DCST1: variants seen among roughly 807,000 people sequenced by gnomAD.
The protein encoded by DCST1 is E3 ubiquitin-protein ligase DCST1.
A neutral mutation model predicts 89.1 loss-of-function variants in DCST1; 78 were observed. The ratio of observed to expected loss-of-function variants is 0.88; its 90% CI spans 0.73 to 1.06. The LOEUF (loss-of-function observed/expected upper bound fraction) is 1.06. DCST1 is among the 50% of genes least tolerant of loss of function. The pLI, the probability that DCST1 is intolerant of heterozygous loss-of-function variation, is 0.00. For missense variants in DCST1, 900 were observed against 928.6 expected (o/e 0.97, Z 0.40); for synonymous variants, 364 against 371.9 (o/e 0.98, Z 0.24).
Position 155,050,697 on chromosome 1 carries a change from G to A in DCST1, c.1950G>A (p.Gln650=). 1 of 1,606,170 alleles carries A rather than the reference G, an allele frequency of 6.2e-7. No individual in the cohort carries two copies. Among genetic ancestry groups the A allele is most frequent in the Non-Finnish European group, 8.5e-7 (1 of 1,177,454 alleles). ...RWLCRRCVVC[Q]APETPESYVC... ...TGTGCCGGCGCTGCGTGGTGTGCCA[G>A]GCACCCGAGACGCCCGAGTCCTACG... Residue 650 remains glutamine (Q), a synonymous_variant, in exon 17 of 17, where the codon CAG becomes CAA. Coordinates refer to ENST00000295542, the MANE Select transcript of DCST1 (RefSeq NM_152494.4).
rs71077975 is a variant in DCST1 at position 155,046,600 on chromosome 1, CTTTTTT to C, written c.1495+127_1495+132del. 1.2e-4 allele frequency: 65 copies of C among 534,512 alleles called. No homozygotes were observed. In the Middle Eastern group the frequency reaches 2.2e-3, roughly 18 times the overall value. 33.1% of individuals were successfully genotyped at this position (534,512 alleles called of 1,614,324 possible). On this transcript the variant is annotated intron_variant, in intron 13 of 16. Transcript: ENST00000295542. ...CCAACTGTGCCTCGTCCTTCTGCCT[CTTTTTT>C]TTTTTTTTTTTTGAGACAAAGAGTC...
intron 16 of DCST1, among the ~76,000 whole-genome samples, chr1:155,049,801 A>T (rs938415692): frequency 7.2e-5 from 11 of 152,362 alleles, no homozygotes; most frequent in Non-Finnish European, 1.5e-4. Context: ...CAAAAAACAA[A>T]AAAGAACATG....
chr1:155,049,018 C>T (rs949309073), intron 16 of DCST1: 3 of 717,044 alleles, frequency 4.2e-6, no homozygotes, highest in Admixed American at 2.0e-5. Context: ...TCAGTTTCTC[C>T]CTCTGAAGAA....
At chr1:155,039,259 T>C in intron 4 of DCST1, 144 bp from the exon 5 acceptor site, 1 of 946,900 alleles carries the variant, frequency 1.1e-6, no homozygotes, top group Non-Finnish European at 1.5e-6. Flanking sequence ...GCCCAGCAGG[T>C]CTATCAGAGT....
intron 14 of DCST1, 23 bp from the exon 15 acceptor site, chr1:155,047,764 C>A: frequency 1.2e-6 from 2 of 1,610,314 alleles, no homozygotes; most frequent in Non-Finnish European, 1.7e-6. Context: ...CCTGACCAGA[C>A]CCCTGGCCTG....
chr1:155,046,795 A>G lies in DCST1; in HGVS notation c.1495+309A>G, dbSNP rs112193170. Among the ~76,000 whole-genome samples the G allele has an allele frequency of 1.9e-3, 282 of 151,974 alleles. 3 individuals carry two copies. Among genetic ancestry groups the G allele is most frequent in the African/African-American group, 6.5e-3 (271 of 41,448 alleles). On this transcript the variant is annotated intron_variant, in intron 13 of 16. Transcript: ENST00000295542. ...TAATTTTTCTATTTTTAGTAGAGACAGAGTTTCACCATGTTGGTCAGGCTG... is the reference window on the plus strand; with the variant it reads ...TAATTTTTCTATTTTTAGTAGAGACGGAGTTTCACCATGTTGGTCAGGCTG...
In DCST1 at chr1:155,039,534, G is replaced by A. The variant is rs896917797; in HGVS notation, c.391+3G>A. ...CGCCTTGGCTGCCATCTATGTGGGT[G>A]AGTATGTGGGGGCCAGTGAGTTACA... On this transcript the variant is annotated splice_donor_region_variant and intron_variant, in intron 5 of 16. Coordinates refer to ENST00000295542, the MANE Select transcript of DCST1 (RefSeq NM_152494.4). 1.9e-6 allele frequency: 3 copies of A among 1,583,750 alleles called. No individual in the cohort carries two copies. Among genetic ancestry groups the A allele is most frequent in the Admixed American group, 3.5e-5 (2 of 56,872 alleles).
chr1:155,037,682 C>T (rs961032760), intron 4 of DCST1, among the ~76,000 whole-genome samples: 12 of 152,148 alleles, frequency 7.9e-5, no homozygotes, highest in South Asian at 2.1e-4. Flanking sequence ...AGTGATCCAC[C>T]CGCCTTGGCC....
rs758991040 is a variant in DCST1, at chr1:155,042,753, G to A, written c.911G>A (p.Arg304His). Residue 304 changes from arginine (R) to histidine (H), a missense_variant, in exon 9 of 17, where the codon CGC (arginine) becomes CAC (histidine). Arg to His is a conservative substitution (Grantham distance 29, BLOSUM62 0). Coordinates refer to ENST00000295542, the MANE Select transcript of DCST1 (RefSeq NM_152494.4). ...TCACCAGTGATGGAGGTTTGGTGCC[G>A]CAATCGCATCCCAGTGGAAGGCAAC... is the stretch of plus-strand genomic sequence containing the variant. ...GIAKVMEVWC[R>H]NRIPVEGNFG... 11 of 1,614,202 alleles carry A rather than the reference G, an allele frequency of 6.8e-6. No homozygotes were observed. Among genetic ancestry groups the A allele is most frequent in the African/African-American group, 1.3e-5 (1 of 75,040 alleles).
At chr1:155,043,873 T>C (rs1239083226) in intron 10 of DCST1, among the ~76,000 whole-genome samples, 1 of 152,170 alleles carries the variant, frequency 6.6e-6, no homozygotes, top group East Asian at 1.9e-4. Context: ...GCTTTCATTT[T>C]CTCCTGCCTG....
chr1:155,035,420 C>G (rs1660248076), intron 4 of DCST1, among the ~76,000 whole-genome samples: 1 of 152,116 alleles, frequency 6.6e-6, no homozygotes. Flanking sequence ...CCTCGGCCTC[C>G]CAAAGTTCTG....
At chr1:155,045,609 A>G in intron 10 of DCST1, 1 of 465,594 alleles carries the variant, frequency 2.1e-6, no homozygotes, top group South Asian at 2.2e-5. Flanking sequence ...ACTCCCTCCC[A>G]GACAGGCTGA....
At chr1:155,048,192 G>T in intron 16 of DCST1, 22 bp downstream of exon 16, 4 of 1,603,702 alleles carry the variant, frequency 2.5e-6, no homozygotes, top group Non-Finnish European at 3.4e-6. Flanking sequence ...CGTAAGTGCT[G>T]CTGCCAGCTC....
rs1432329333 is a variant in DCST1, at chr1:155,041,584, A to G, written c.719A>G (p.Tyr240Cys). The change falls in exon 7 of 17, where the codon TAT (tyrosine) becomes TGT (cysteine). Residue 240 changes from tyrosine to cysteine, a missense_variant. Coordinates refer to ENST00000295542, the MANE Select transcript of DCST1 (RefSeq NM_152494.4). ...CTCCACCTGTCGACACAGAAGATGT[A>G]TGAGCTGAAGACCAAGCTGCGTTGC... ...SRLHLSTQKM[Y>C]ELKTKLRCSY... 2 of 1,613,576 alleles carry G rather than the reference A, an allele frequency of 1.2e-6. No homozygotes were observed. The highest frequency in any genetic ancestry group is 2.2e-5 in the East Asian group (1 of 44,864).
chr1:155,040,354 C>T (rs1660403285), intron 5 of DCST1, 131 bp from the exon 6 acceptor site: 1 of 865,732 alleles, frequency 1.2e-6, no homozygotes, highest in Non-Finnish European at 1.6e-6. Context: ...AACAAGTTGA[C>T]CTTTCATAGG....
intron 4 of DCST1, 197 bp downstream of exon 4, chr1:155,034,924 T>TGAGGGAGTCTCTCCATTCC (rs1240757602): frequency 1.6e-6 from 1 of 612,570 alleles, no homozygotes; most frequent in Non-Finnish European, 2.9e-6. Flanking sequence ...GTCCTTGCCC[T>TGAGGGAGTCTCTCCATTCC]GAGGGAGTCT....
At chr1:155,041,971 G>A in intron 8 of DCST1, 114 bp downstream of exon 8, 1 of 1,435,902 alleles carries the variant, frequency 7.0e-7, no homozygotes, top group South Asian at 1.3e-5. Flanking sequence ...TGGCCCTGAG[G>A]CCACAGCATC....
rs1217226284 is a variant in DCST1, at chr1:155,040,458, G to A, written c.392-27G>A. ...GAGAAAGTGCTGGTTATACAGGGAG[G>A]TGACCAACCAGGGCCTCTTTCTCCA... On this transcript the variant is annotated intron_variant, in intron 5 of 16. Transcript: ENST00000295542. 12 of 1,589,460 alleles carry A rather than the reference G, an allele frequency of 7.5e-6. No individual in the cohort carries two copies. The Middle Eastern group carries it at 5.0e-4, about 66-fold the overall frequency.
In DCST1 at chr1:155,045,892, G is replaced by C. The variant is rs570244195; in HGVS notation, c.1173-1G>C. ...AGACATCCCTGCCCATCCACCCACA[G>C]GTCTTTCTCCTACATGGACAGCTAT... is the stretch of plus-strand genomic sequence containing the variant. On this transcript the variant is annotated splice_acceptor_variant, in intron 10 of 16. Coordinates refer to ENST00000295542, the MANE Select transcript of DCST1 (RefSeq NM_152494.4). LOFTEE classifies it high-confidence loss of function. The C allele has an allele frequency of 1.2e-6, 2 of 1,613,248 alleles. No individual in the cohort carries two copies. Among genetic ancestry groups the C allele is most frequent in the African/African-American group, 1.3e-5 (1 of 74,922 alleles).
Sources: allele counts gnomAD v4.1 joint callset (sites outside exome capture counted in the v4.1 genomes callset), GRCh38; gene constraint gnomAD v4.1.1; transcripts MANE v1.5; gene names NCBI Gene and HGNC (gene_info 2026-07-23, HGNC 2026-07-21).